GCNT2: variants seen among roughly 807,000 people sequenced by gnomAD.
GCNT2 encodes the protein glucosaminyl (N-acetyl) transferase 2 (I blood group).
Under a neutral mutation model 34.2 loss-of-function variants are expected in GCNT2, and 34 were observed. The observed-to-expected ratio is 1.00, with a 90% CI of 0.76 to 1.32. The LOEUF (loss-of-function observed/expected upper bound fraction) is 1.32, where lower values mean the gene tolerates loss of function less well. Among genes scored for constraint, GCNT2 ranks in the 40% most tolerant of loss-of-function variants. The pLI is 0.00. For missense variants in GCNT2, 584 were observed against 489.4 expected, an observed-to-expected ratio of 1.19 and a Z score of -1.82; for synonymous variants, 212 against 188.0, an observed-to-expected ratio of 1.13 and a Z score of -1.04.
intron 3 of GCNT2, among the ~76,000 whole-genome samples, chr6:10,539,946 C>T (rs534005384): frequency 1.1e-4 from 17 of 152,166 alleles, no homozygotes; most frequent in East Asian, 3.9e-4. Context: ...GGCTTGGAGG[C>T]GCGTGCCGGT....
At chr6:10,537,820 C>G (rs1761844140) in intron 3 of GCNT2, among the ~76,000 whole-genome samples, 1 of 151,400 alleles carries the variant, frequency 6.6e-6, no homozygotes, top group Non-Finnish European at 1.5e-5. Flanking sequence ...GCTCAGAACA[C>G]TTACATTGTT....
intron 3 of GCNT2, chr6:10,575,306 C>T (rs1763755716): frequency 9.7e-6 from 2 of 205,460 alleles, no homozygotes; most frequent in African/African-American, 4.7e-5. Context: ...GTATCTCATA[C>T]AGTGTCTGTT....
intron 3 of GCNT2, among the ~76,000 whole-genome samples, chr6:10,532,410 G>A (rs1290413153): frequency 3.9e-5 from 6 of 152,294 alleles, no homozygotes; most frequent in African/African-American, 9.6e-5. Flanking sequence ...GAACACTGCC[G>A]GAGGACCCTG....
At chr6:10,577,673 T>C (rs1281919216) in intron 3 of GCNT2, among the ~76,000 whole-genome samples, 1 of 152,142 alleles carries the variant, frequency 6.6e-6, no homozygotes, top group East Asian at 1.9e-4. Flanking sequence ...CCCGAGTAGC[T>C]GGGATTACAG....
intron 3 of GCNT2, among the ~76,000 whole-genome samples, chr6:10,551,434 A>T (rs1463479331): frequency 7.4e-6 from 1 of 135,790 alleles, no homozygotes; most frequent in Admixed American, 7.1e-5. Context: ...TTTATTATTT[A>T]TTATTATTAT....
chr6:10,574,117 AAT>A (rs1206164207), intron 3 of GCNT2, among the ~76,000 whole-genome samples: 9 of 152,212 alleles, frequency 5.9e-5, no homozygotes, highest in Non-Finnish European at 1.2e-4. Context: ...CAGCGTTCTT[AAT>A]GTCTCCATTC....
At chr6:10,573,244 C>T (rs1164645870) in intron 3 of GCNT2, 8 of 984,542 alleles carry the variant, frequency 8.1e-6, no homozygotes, top group South Asian at 4.7e-5. Context: ...ATGCGACATT[C>T]GGAATCAGAG....
intron 1 of GCNT2, among the ~76,000 whole-genome samples, chr6:10,523,593 G>C (rs1087924): frequency 0.55 from 83,648 of 151,826 alleles, 23,160 homozygotes; most frequent in South Asian, 0.71. Flanking sequence ...GACTTCTCTA[G>C]AAGCCCTGAG....
intron 4 of GCNT2, among the ~76,000 whole-genome samples, chr6:10,622,280 A>ACAG (rs1766067319): frequency 6.6e-6 from 1 of 152,212 alleles, no homozygotes; most frequent in African/African-American, 2.4e-5. Flanking sequence ...GGGCTGCCAT[A>ACAG]ACAAAGTGGC....
intron 3 of GCNT2, among the ~76,000 whole-genome samples, chr6:10,603,582 C>T (rs1248644807): frequency 6.6e-6 from 1 of 152,166 alleles, no homozygotes; most frequent in African/African-American, 2.4e-5. Context: ...GTGGTGCAAT[C>T]TCAGCTCACT....
intron 3 of GCNT2, among the ~76,000 whole-genome samples, chr6:10,551,955 C>A (rs931162870): frequency 1.3e-5 from 2 of 151,664 alleles, no homozygotes; most frequent in African/African-American, 4.8e-5. Context: ...ATGGGGGTTC[C>A]ACCATGTTGG....
intron 3 of GCNT2, among the ~76,000 whole-genome samples, chr6:10,540,200 G>A (rs1371559300): frequency 6.6e-6 from 1 of 152,032 alleles, no homozygotes; most frequent in Admixed American, 6.6e-5. Flanking sequence ...GGTTCCCTAG[G>A]GTATAGTTCT....
chr6:10,558,802 C>T (rs1581404236), intron 3 of GCNT2, among the ~76,000 whole-genome samples: 3 of 152,204 alleles, frequency 2.0e-5, no homozygotes, highest in Admixed American at 6.5e-5. Flanking sequence ...CTGGTGAATG[C>T]GGCTCACTCG....
rs1326763707 is a variant in GCNT2 at position 10,521,409 on chromosome 6, CTG to C, written c.-476_-475del. On this transcript the variant is annotated 5_prime_UTR_variant, in exon 1 of 5. Coordinates refer to ENST00000495262, the MANE Select transcript of GCNT2 (RefSeq NM_145649.5). ...CTGGGCAATCTTACCCTCCTGGGAA[CTG>C]AGAGAGGTAGGTGGAGGTCAGCGTG... 1.3e-5 allele frequency: 2 copies of C among 153,046 alleles called. No homozygotes were observed. Among genetic ancestry groups the C allele is most frequent in the African/African-American group, 4.8e-5 (2 of 41,404 alleles). The allele number at this position is 153,046 out of a possible 1,614,324, so 9.5% of individuals were successfully genotyped here.
In GCNT2 at chr6:10,551,600, A is replaced by G. The variant is rs574073355; in HGVS notation, c.925+21764A>G. The stretch of plus-strand genomic sequence containing the variant: ...GCTGGTACTACCGGCGCCCACCACC[A>G]TGCCTGACTAACTTTTGTATTTTTA... On this transcript the variant is annotated intron_variant, in intron 3 of 4. Coordinates refer to ENST00000495262, the MANE Select transcript of GCNT2 (RefSeq NM_145649.5). Among the ~76,000 whole-genome samples, 4 of 151,614 alleles carry G rather than the reference A, an allele frequency of 2.6e-5. No individual in the cohort carries two copies. The East Asian group carries it at 7.8e-4, about 30-fold the overall frequency.
chr6:10,626,194 G>A (rs1266926372), intron 4 of GCNT2, among the ~76,000 whole-genome samples: 1 of 152,102 alleles, frequency 6.6e-6, no homozygotes, highest in Non-Finnish European at 1.5e-5. Flanking sequence ...TGCCTTGTAT[G>A]ATTTAACTCT....
At chr6:10,579,894 A>G (rs1246145754) in intron 3 of GCNT2, among the ~76,000 whole-genome samples, 1 of 151,032 alleles carries the variant, frequency 6.6e-6, no homozygotes, top group East Asian at 1.9e-4. Flanking sequence ...CGGTATCCTT[A>G]CACCAAATGA....
intron 3 of GCNT2, among the ~76,000 whole-genome samples, chr6:10,615,443 C>T (rs1581486268): frequency 6.6e-6 from 1 of 152,136 alleles, no homozygotes; most frequent in Admixed American, 6.5e-5. Context: ...GTCTCCCGAA[C>T]ACCTGGGGCC....
chr6:10,571,759 G>A (rs566298), intron 3 of GCNT2, among the ~76,000 whole-genome samples: 100,336 of 152,000 alleles, frequency 0.66, 33,238 homozygotes, highest in Middle Eastern at 0.72. Context: ...ATTTAAATGC[G>A]TTCTTTTGGG....
Sources: gnomAD v4.1 joint callset for allele counts (sites outside exome capture counted in the v4.1 genomes callset) on GRCh38, gnomAD v4.1.1 for gene constraint, MANE v1.5 for transcripts, NCBI Gene and HGNC (gene_info 2026-07-23, HGNC 2026-07-21) for gene names.